The following SGCD variants were observed in gnomAD, a reference collection of about 807,000 sequenced individuals.
The protein encoded by SGCD is sarcoglycan delta.
A neutral mutation model predicts 36.6 loss-of-function variants in SGCD; 18 were observed. The ratio of observed to expected loss-of-function variants is 0.49; its 90% CI spans 0.34 to 0.73. SGCD has a LOEUF of 0.73. Ranked by LOEUF, SGCD falls within the 30% of genes least tolerant of loss-of-function variation. The pLI is 0.01. For synonymous variants in SGCD, 133 were observed against 130.6 expected (o/e 1.02, Z -0.12); for missense variants, 387 against 346.7 (o/e 1.12, Z -0.92).
chr5:156,539,113 G>A (rs1368141980), intron 4 of SGCD, among the ~76,000 whole-genome samples: 1 of 152,012 alleles, frequency 6.6e-6, no homozygotes, highest in Non-Finnish European at 1.5e-5. Flanking sequence ...TGATATCTAT[G>A]TCTAAGGTTC....
At chr5:155,886,744 C>T (rs1332091559) in intron 1 of SGCD, among the ~76,000 whole-genome samples, 1 of 152,230 alleles carries the variant, frequency 6.6e-6, no homozygotes, top group Non-Finnish European at 1.5e-5. Context: ...AGTCAAGCTT[C>T]TGGGACTAGC....
the SGCD span, among the ~76,000 whole-genome samples, chr5:155,754,806 A>G: frequency 6.6e-6 from 1 of 152,226 alleles, no homozygotes; most frequent in Non-Finnish European, 1.5e-5. Context: ...AATTTTATGC[A>G]TAGTAGTAGT....
intron 3 of SGCD, among the ~76,000 whole-genome samples, chr5:156,217,824 T>TAC (rs977238004): frequency 8.6e-5 from 13 of 151,898 alleles, no homozygotes; most frequent in East Asian, 5.8e-4. Flanking sequence ...TATATATATA[T>TAC]ACACACACAC....
chr5:156,402,691 G>A (rs1438285061), intron 3 of SGCD, among the ~76,000 whole-genome samples: 1 of 152,190 alleles, frequency 6.6e-6, no homozygotes, highest in African/African-American at 2.4e-5. Context: ...CCAGGGGTGT[G>A]TTTTTACTAT....
chr5:156,599,878 A>C (rs2113408153), intron 6 of SGCD, among the ~76,000 whole-genome samples: 1 of 152,276 alleles, frequency 6.6e-6, no homozygotes, highest in South Asian at 2.1e-4. Flanking sequence ...TCATCGTTCT[A>C]GGGATCCTCT....
chr5:156,610,276 C>T (rs560504895), intron 6 of SGCD, among the ~76,000 whole-genome samples: 1 of 152,326 alleles, frequency 6.6e-6, no homozygotes, highest in Admixed American at 6.5e-5. Flanking sequence ...GGACCCTCAG[C>T]TGCAGGTCTG....
At chr5:156,530,158 A>G (rs1403342105) in intron 4 of SGCD, among the ~76,000 whole-genome samples, 1 of 152,250 alleles carries the variant, frequency 6.6e-6, no homozygotes, top group East Asian at 1.9e-4. Flanking sequence ...CAGAGTCCTG[A>G]AAATAAAAAA....
chr5:156,621,256 A>G (rs1463017504), intron 6 of SGCD, among the ~76,000 whole-genome samples: 1 of 152,188 alleles, frequency 6.6e-6, no homozygotes, highest in Non-Finnish European at 1.5e-5. Context: ...CAGTGGCACA[A>G]TCTCGGCTTA....
intron 1 of SGCD, among the ~76,000 whole-genome samples, chr5:156,031,253 A>C (rs1490254447): frequency 6.6e-6 from 1 of 152,196 alleles, no homozygotes; most frequent in Non-Finnish European, 1.5e-5. Flanking sequence ...TTCTCAGGTG[A>C]TATTGATGCT....
chr5:156,250,937 A>T (rs1454033990), intron 3 of SGCD, among the ~76,000 whole-genome samples: 7 of 152,232 alleles, frequency 4.6e-5, no homozygotes, highest in Non-Finnish European at 1.0e-4. Flanking sequence ...CAGGGGCTTG[A>T]AAACACGCAT....
intron 3 of SGCD, among the ~76,000 whole-genome samples, chr5:156,505,397 G>A (rs985124002): frequency 2.0e-5 from 3 of 152,350 alleles, no homozygotes; most frequent in South Asian, 4.1e-4. Context: ...ACAGGATGGG[G>A]AAAAGTACCC....
intron 1 of SGCD, among the ~76,000 whole-genome samples, chr5:156,075,310 C>A (rs1008335457): frequency 1.3e-5 from 2 of 151,730 alleles, no homozygotes; most frequent in Non-Finnish European, 2.9e-5. Flanking sequence ...GTAAAACATG[C>A]TGACAATTTA....
chr5:156,609,291 C>G (rs1217191480), intron 6 of SGCD, among the ~76,000 whole-genome samples: 1 of 152,030 alleles, frequency 6.6e-6, no homozygotes, highest in African/African-American at 2.4e-5. Context: ...TTTTATTTCT[C>G]CTTCACTTAT....
At position 155,944,339 on chromosome 5, in the gene SGCD, C is replaced by T. The variant is rs576354562; in HGVS notation, c.-282+73915C>T. ...CTTAGGCAAATCACATTCTTATGAA[C>T]GATGATTGTTAAAGGTTTGCAGATG... On this transcript the variant is annotated intron_variant, in intron 1 of 9. Transcript: ENST00000517913. Among the ~76,000 whole-genome samples, 57 of 152,248 alleles carry T rather than the reference C, an allele frequency of 3.7e-4. No individual in the cohort carries two copies. In the South Asian group the frequency reaches 0.011, roughly 29 times the overall value.
chr5:155,738,758 G>C, the SGCD span, among the ~76,000 whole-genome samples: 17 of 125,154 alleles, frequency 1.4e-4, no homozygotes, highest in Non-Finnish European at 1.7e-4. Flanking sequence ...GAGTGTAAGA[G>C]AGTGTGAGAG....
chr5:156,154,422 T>A (rs1345637792), intron 3 of SGCD, among the ~76,000 whole-genome samples: 1 of 151,644 alleles, frequency 6.6e-6, no homozygotes, highest in African/African-American at 2.4e-5. Flanking sequence ...AGAAATATAT[T>A]TGCTATTATT....
At chr5:156,511,344 G>C (rs528094886) in intron 4 of SGCD, among the ~76,000 whole-genome samples, 1 of 152,142 alleles carries the variant, frequency 6.6e-6, no homozygotes, top group Non-Finnish European at 1.5e-5. Flanking sequence ...CCACACCTTA[G>C]GTCAAGCCAC....
chr5:156,451,277 T>C (rs1423834174), intron 3 of SGCD, among the ~76,000 whole-genome samples: 2 of 152,152 alleles, frequency 1.3e-5, no homozygotes. Flanking sequence ...GTTGGCAGCA[T>C]AATTAGGTGA....
At chr5:155,771,031 C>A in the SGCD span, among the ~76,000 whole-genome samples, 2 of 151,172 alleles carry the variant, frequency 1.3e-5, no homozygotes, top group Non-Finnish European at 3.0e-5. Context: ...ATCAAAAAAA[C>A]CACAAAAGTG....
Sources: gnomAD v4.1 joint callset for allele counts (sites outside exome capture counted in the v4.1 genomes callset) on GRCh38, gnomAD v4.1.1 for gene constraint, MANE v1.5 for transcripts, NCBI Gene and HGNC (gene_info 2026-07-23, HGNC 2026-07-21) for gene names.